PALM2AKAP2: variants seen among roughly 807,000 people sequenced by gnomAD.
PALM2AKAP2 encodes PALM2-AKAP2 fusion protein.
In PALM2AKAP2, 37 loss-of-function variants were observed where a neutral mutation model predicts 71.5. That is an observed-to-expected ratio of 0.52 (90% CI 0.40 to 0.68). The LOEUF (loss-of-function observed/expected upper bound fraction) is 0.68. PALM2AKAP2 is among the 30% of genes least tolerant of loss of function. The probability of loss-of-function intolerance (pLI) is 0.00; values close to 1 mark genes in which losing one functional copy is unlikely to be tolerated. For synonymous variants in PALM2AKAP2, 468 were observed against 478.8 expected (o/e 0.98, Z 0.29); for missense variants, 1,224 against 1,191.8 (o/e 1.03, Z -0.40).
chr9:109,990,492 A>T (rs1832457928), intron 6 of PALM2AKAP2, among the ~76,000 whole-genome samples: 2 of 152,146 alleles, frequency 1.3e-5, no homozygotes, highest in South Asian at 4.1e-4. Flanking sequence ...AGCTCTTTCC[A>T]TTAGTGACCC....
intron 6 of PALM2AKAP2, among the ~76,000 whole-genome samples, chr9:109,934,336 A>G (rs1173695010): frequency 6.6e-6 from 1 of 152,050 alleles, no homozygotes; most frequent in Non-Finnish European, 1.5e-5. Flanking sequence ...TTCATCATCC[A>G]CCCACTTATC....
chr9:109,705,771 C>G (rs866773797), intron 1 of PALM2AKAP2, among the ~76,000 whole-genome samples: 1 of 152,210 alleles, frequency 6.6e-6, no homozygotes, highest in African/African-American at 2.4e-5. Context: ...CACTTACTAA[C>G]TGTATGCTTT....
intron 1 of PALM2AKAP2, among the ~76,000 whole-genome samples, chr9:109,841,415 A>G (rs1400253053): frequency 6.8e-6 from 1 of 146,816 alleles, no homozygotes; most frequent in Non-Finnish European, 1.5e-5. Context: ...TACCTAATGT[A>G]AATGATGAGT....
chr9:110,043,716 G>GTTTTTTTT (rs61128628), upstream of PALM2AKAP2, among the ~76,000 whole-genome samples: 4 of 91,588 alleles, frequency 4.4e-5, no homozygotes, highest in Non-Finnish European at 6.1e-5. Context: ...TTTTTTTGGT[G>GTTTTTTTT]TTTTTTTTTT....
intron 1 of PALM2AKAP2, among the ~76,000 whole-genome samples, chr9:110,115,112 G>A (rs1835335252): frequency 6.6e-6 from 1 of 152,192 alleles, no homozygotes; most frequent in African/African-American, 2.4e-5. Context: ...AAAAGCAGTG[G>A]ACGGAAACAG....
In PALM2AKAP2 at chr9:109,855,417, T is replaced by C. The variant is rs571119905; in HGVS notation, c.46-12074T>C. Among the ~76,000 whole-genome samples, 555 of 152,324 alleles carry C rather than the reference T, an allele frequency of 3.6e-3. 2 individuals carry two copies. The highest frequency in any genetic ancestry group is 5.5e-3 in the Non-Finnish European group (376 of 68,024). ...ATGGCTGTGTTTTATTTATACATTT[T>C]CAGTCATTCATTATCAATAAATACT... is the stretch of plus-strand genomic sequence containing the variant. On this transcript the variant is annotated intron_variant, in intron 1 of 9. Transcript: ENST00000302798.
chr9:110,104,477 C>T (rs1008264204), intron 1 of PALM2AKAP2, among the ~76,000 whole-genome samples: 4 of 152,114 alleles, frequency 2.6e-5, no homozygotes, highest in African/African-American at 9.7e-5. Context: ...AGCATTAGCA[C>T]CCTGGAGACC....
intron 2 of PALM2AKAP2, 67 bp downstream of exon 8, chr9:110,138,606 G>A: frequency 6.8e-7 from 1 of 1,472,500 alleles, no homozygotes; most frequent in Non-Finnish European, 9.0e-7. Flanking sequence ...TCCAGCTCAT[G>A]GGTTTCTATG....
intron 6 of PALM2AKAP2, among the ~76,000 whole-genome samples, chr9:109,963,909 C>T (rs1831895785): frequency 1.3e-5 from 2 of 152,140 alleles, no homozygotes. Context: ...CATGGGTGTG[C>T]AAGGCCTCTA....
chr9:109,864,363 A>C (rs1165311549), intron 1 of PALM2AKAP2, among the ~76,000 whole-genome samples: 1 of 152,210 alleles, frequency 6.6e-6, no homozygotes, highest in Non-Finnish European at 1.5e-5. Flanking sequence ...CGTGTGACTA[A>C]AAGCCAAAAC....
intron 1 of PALM2AKAP2, among the ~76,000 whole-genome samples, chr9:110,099,116 T>G (rs953760218): frequency 6.6e-6 from 1 of 152,228 alleles, no homozygotes; most frequent in Non-Finnish European, 1.5e-5. Context: ...TTTGTCTTCA[T>G]GGGGAAGAAA....
At chr9:109,945,631 A>G (rs1456710724) in intron 6 of PALM2AKAP2, 1 of 152,244 alleles carries the variant, frequency 6.6e-6, no homozygotes, top group Non-Finnish European at 1.5e-5. Flanking sequence ...AAAGCTTACC[A>G]TAGCTTATCT....
chr9:110,116,700 C>A (rs1835370824), intron 1 of PALM2AKAP2, among the ~76,000 whole-genome samples: 1 of 152,182 alleles, frequency 6.6e-6, no homozygotes, highest in Non-Finnish European at 1.5e-5. Flanking sequence ...TGGGAACAGG[C>A]AGCTCTTGGA....
chr9:109,643,647 G>A (rs550084643), intron 1 of PALM2AKAP2, among the ~76,000 whole-genome samples: 81 of 152,202 alleles, frequency 5.3e-4, no homozygotes, highest in African/African-American at 1.8e-3. Context: ...GCCTCAATTA[G>A]CCTCCTTCTC....
At chr9:110,145,891 CTT>C (rs61137720) in intron 2 of PALM2AKAP2, among the ~76,000 whole-genome samples, 1,206 of 64,328 alleles carry the variant, frequency 0.019, 1 homozygote, top group South Asian at 0.06. Context: ...CCTCACTCTT[CTT>C]TTTTTTTTTT....
chr9:110,105,004 G>A (rs1346192058), intron 1 of PALM2AKAP2, among the ~76,000 whole-genome samples: 1 of 152,190 alleles, frequency 6.6e-6, no homozygotes, highest in African/African-American at 2.4e-5. Flanking sequence ...AGGTTAAGTG[G>A]TATTATTTCT....
At chr9:109,942,712 G>A in intron 6 of PALM2AKAP2, 12 of 1,599,232 alleles carry the variant, frequency 7.5e-6, no homozygotes, top group Non-Finnish European at 1.0e-5. Flanking sequence ...AATTAATGTG[G>A]AGAAAGACAA....
intron 1 of PALM2AKAP2, among the ~76,000 whole-genome samples, chr9:109,661,158 T>C (rs1827389454): frequency 6.6e-6 from 1 of 152,226 alleles, no homozygotes; most frequent in African/African-American, 2.4e-5. Flanking sequence ...GCAGAAGCTC[T>C]TTAGTTTAAT....
At chr9:110,113,651 G>C (rs1260544398) in intron 1 of PALM2AKAP2, among the ~76,000 whole-genome samples, 1 of 151,964 alleles carries the variant, frequency 6.6e-6, no homozygotes, top group Non-Finnish European at 1.5e-5. Context: ...AGCCTCCCAA[G>C]TAGCTGGGAG....
Sources: allele counts gnomAD v4.1 joint callset (sites outside exome capture counted in the v4.1 genomes callset), GRCh38; gene constraint gnomAD v4.1.1; transcripts MANE v1.5; gene names NCBI Gene and HGNC (gene_info 2026-07-23, HGNC 2026-07-21).